Variants in SNX2 observed in about 807,000 individuals in gnomAD.
SNX2 encodes the protein sorting nexin-2.
SNX2 carries 25 observed loss-of-function variants against 69.9 expected under a neutral mutation model. The observed-to-expected ratio is 0.36, with a 90% CI of 0.26 to 0.50. The LOEUF is 0.50. Among genes scored for constraint, SNX2 ranks in the 20% least tolerant of loss-of-function variants. The probability of loss-of-function intolerance (pLI) is 0.97; values close to 1 mark genes in which losing one functional copy is unlikely to be tolerated. For synonymous variants in SNX2, 229 were observed against 200.4 expected (o/e 1.14, Z -1.20); for missense variants, 551 against 613.3 (o/e 0.90, Z 1.07).
rs759895538 is a variant in SNX2 at position 122,775,257 on chromosome 5, G to T, written c.108+46G>T. The stretch of plus-strand genomic sequence containing the variant: ...GTGCTGCGCTGCGTAGCTGCCGCGC[G>T]TCTCACCTTTCCCCTGCCCCGACTT... On this transcript the variant is annotated intron_variant, in intron 1 of 14. Coordinates refer to ENST00000379516, the MANE Select transcript of SNX2 (RefSeq NM_003100.4). The T allele has an allele frequency of 2.0e-5, 31 of 1,517,250 alleles. No homozygotes were observed. In the East Asian group the frequency reaches 7.5e-4, roughly 37 times the overall value. 94.0% of individuals were successfully genotyped at this position (1,517,250 alleles called of 1,614,324 possible).
intron 8 of SNX2, among the ~76,000 whole-genome samples, chr5:122,816,638 T>TGTATGAGAGTGAAGAAAATACAACCTC (rs1753905652): frequency 6.6e-6 from 1 of 152,096 alleles, no homozygotes; most frequent in South Asian, 2.1e-4. Context: ...CTTAATATAT[T>TGTATGAGAGTGAAGAAAATACAACCTC]TTGACAAACA....
rs200134630 is a variant in SNX2, at chr5:122,775,178, G to A, written c.75G>A (p.Glu25=). 6.3e-7 allele frequency: 1 copy of A among 1,593,638 alleles called. No homozygotes were observed. The highest frequency in any genetic ancestry group is 1.8e-5 in the Admixed American group (1 of 55,776). Reference sequence around the variant, plus strand: ...ACTTTGAGGATCTGGAGGACGGAGAGGACCTGTTCACCAGCACTGTCTCCA... The same window carrying A: ...ACTTTGAGGATCTGGAGGACGGAGAAGACCTGTTCACCAGCACTGTCTCCA... ...PTDFEDLEDG[E]DLFTSTVSTL... is the part of the protein sequence containing the mutation. The change falls in exon 1 of 15, where the codon GAG becomes GAA. Residue 25 remains glutamate (E), a synonymous_variant. Coordinates refer to ENST00000379516, the MANE Select transcript of SNX2 (RefSeq NM_003100.4).
chr5:122,825,646 C>T (rs917398653), intron 11 of SNX2, among the ~76,000 whole-genome samples: 4 of 151,998 alleles, frequency 2.6e-5, no homozygotes, highest in African/African-American at 9.7e-5. Context: ...CAATTTCAGA[C>T]ATGTTTCTAA....
At chr5:122,810,590 A>G (rs900985325) in intron 7 of SNX2, among the ~76,000 whole-genome samples, 2 of 152,162 alleles carry the variant, frequency 1.3e-5, no homozygotes, top group Non-Finnish European at 2.9e-5. Flanking sequence ...TACCAAGGAC[A>G]TATAATTTGA....
intron 3 of SNX2, among the ~76,000 whole-genome samples, chr5:122,801,022 C>T (rs753729142): frequency 4.6e-5 from 7 of 152,186 alleles, no homozygotes; most frequent in South Asian, 4.1e-4. Flanking sequence ...CTTTCCTTCG[C>T]GTCCAGAAGA....
intron 14 of SNX2, 36 bp from the exon 15 acceptor site, chr5:122,829,562 A>C (rs762080118): frequency 1.9e-6 from 3 of 1,545,938 alleles, no homozygotes; most frequent in Non-Finnish European, 2.7e-6. Context: ...ACAAAAAGGT[A>C]ATGAGAATAA....
Position 122,775,135 on chromosome 5 carries a change from G to T in SNX2, c.32G>T (p.Gly11Val), listed in dbSNP as rs754332350. 1.6e-4 allele frequency: 253 copies of T among 1,595,474 alleles called. No individual in the cohort carries two copies. Among genetic ancestry groups the T allele is most frequent in the Non-Finnish European group, 1.9e-4 (225 of 1,172,842 alleles). ...GCCGAGAGGGAACCTCCTCCGCTGG[G>T]GGACGGGAAGCCCACCGACTTTGAG... MAAEREPPPLGDGKPTDFEDL... is the reference protein window; with the variant it reads MAAEREPPPLVDGKPTDFEDL... The change falls in exon 1 of 15, where the codon GGG (glycine) becomes GTG (valine). Residue 11 changes from glycine to valine, a missense_variant. Gly to Val is a moderately radical substitution (Grantham distance 109). This residue lies in a region of SNX2 where 191 missense variants were observed against 162.9 expected (regional missense o/e 1.17). Coordinates refer to ENST00000379516, the MANE Select transcript of SNX2 (RefSeq NM_003100.4).
chr5:122,819,533 G>A (rs1753968919), intron 11 of SNX2, among the ~76,000 whole-genome samples: 1 of 152,186 alleles, frequency 6.6e-6, no homozygotes, highest in Admixed American at 6.5e-5. Context: ...CATAAATTGT[G>A]TTATTGAATG....
At chr5:122,828,990 G>A (rs920432909) in intron 14 of SNX2, among the ~76,000 whole-genome samples, 26 of 151,926 alleles carry the variant, frequency 1.7e-4, no homozygotes, top group African/African-American at 6.0e-4. Flanking sequence ...GCGTGGTGGC[G>A]CACCTGTAAT....
chr5:122,824,119 G>A lies in SNX2; in HGVS notation c.1213-1931G>A, dbSNP rs919592420. On this transcript the variant is annotated intron_variant, in intron 11 of 14. Coordinates refer to ENST00000379516, the MANE Select transcript of SNX2 (RefSeq NM_003100.4). ...CAGGAGGCTGAGGCAGGAGAATGGC[G>A]TGAACCTGGGAGTTGGAGCTCGCAG... is the stretch of plus-strand genomic sequence containing the variant. Among the ~76,000 whole-genome samples, 16 of 151,208 alleles carry A rather than the reference G, an allele frequency of 1.1e-4. No homozygotes were observed. The East Asian group carries it at 2.0e-3, about 18-fold the overall frequency.
intron 11 of SNX2, among the ~76,000 whole-genome samples, chr5:122,819,480 G>A (rs1243043713): frequency 6.6e-6 from 1 of 152,180 alleles, no homozygotes; most frequent in African/African-American, 2.4e-5. Context: ...CCTCAAATAT[G>A]TAGTCACCAT....
chr5:122,817,169 T>G, intron 9 of SNX2, 111 bp from the exon 10 acceptor site: 1 of 1,193,922 alleles, frequency 8.4e-7, no homozygotes, highest in African/African-American at 1.5e-5. Context: ...GCCACCATGG[T>G]TATAAGGTTA....
At chr5:122,784,154 G>C (rs984888883) in intron 1 of SNX2, among the ~76,000 whole-genome samples, 2 of 150,870 alleles carry the variant, frequency 1.3e-5, no homozygotes, top group African/African-American at 4.9e-5. Flanking sequence ...GATTTTCTGT[G>C]TAGATAATCA....
intron 1 of SNX2, among the ~76,000 whole-genome samples, chr5:122,786,696 A>T (rs1753096808): frequency 6.6e-6 from 1 of 152,076 alleles, no homozygotes; most frequent in East Asian, 1.9e-4. Flanking sequence ...AATAAAAAAA[A>T]AAATGGCAAA....
rs184525480 is a variant in SNX2, at chr5:122,799,251, C to T, written c.227-441C>T. ...TATATTACTAACTTTGTAGCTTTTC[C>T]TAACCAGTTTTTAATCCAAGTTAAA... On this transcript the variant is annotated intron_variant, in intron 2 of 14. Transcript: ENST00000379516. Among the ~76,000 whole-genome samples the T allele has an allele frequency of 2.0e-4, 30 of 152,222 alleles. No homozygotes were observed. In the East Asian group the frequency reaches 5.2e-3, roughly 26 times the overall value.
chr5:122,815,440 A>G (rs1051024996), intron 7 of SNX2: 1 of 152,098 alleles, frequency 6.6e-6, no homozygotes, highest in African/African-American at 2.4e-5. Context: ...GTATTGGTAG[A>G]CTCTTCCCCA....
chr5:122,797,717 T>C (rs1349731119), intron 2 of SNX2, among the ~76,000 whole-genome samples: 1 of 152,202 alleles, frequency 6.6e-6, no homozygotes, highest in Non-Finnish European at 1.5e-5. Context: ...AGTTCATACA[T>C]GTCTCAAAGT....
chr5:122,802,270 G>A (rs1753533875), intron 5 of SNX2, 146 bp downstream of exon 5: 1 of 752,550 alleles, frequency 1.3e-6, no homozygotes, highest in African/African-American at 1.7e-5. Flanking sequence ...GCAATGAGTT[G>A]TGAGTGGTTT....
intron 3 of SNX2, among the ~76,000 whole-genome samples, chr5:122,801,652 C>CGCGTGTGT (rs1554062724): frequency 2.3e-5 from 3 of 132,120 alleles, no homozygotes; most frequent in Non-Finnish European, 3.1e-5. Flanking sequence ...TGGTCTTTTT[C>CGCGTGTGT]GTGTGTGTGT....
Sources: allele counts gnomAD v4.1 joint callset (sites outside exome capture counted in the v4.1 genomes callset), GRCh38; gene constraint gnomAD v4.1.1; regional missense constraint gnomAD v4.1.1; transcripts MANE v1.5; gene names NCBI Gene and HGNC (gene_info 2026-07-23, HGNC 2026-07-21).